Variants in TMEM236 observed in about 807,000 individuals in gnomAD.
The protein encoded by TMEM236 is transmembrane protein 236, also known as family with sequence similarity 23, member A.
In TMEM236, 11 loss-of-function variants were observed where a neutral mutation model predicts 14.7. The ratio of observed to expected loss-of-function variants is 0.75; its 90% CI spans 0.47 to 1.24. TMEM236 has a LOEUF of 1.24. TMEM236 is among the 50% of genes most tolerant of loss of function. TMEM236 has a pLI of 0.00. For missense variants in TMEM236, 464 were observed against 427.3 expected, an observed-to-expected ratio of 1.09 and a Z score of -0.76; for synonymous variants, 182 against 168.6, an observed-to-expected ratio of 1.08 and a Z score of -0.62.
At chr10:17,759,196 A>G (rs1238506475) in intron 1 of TMEM236, among the ~76,000 whole-genome samples, 6 of 152,364 alleles carry the variant, frequency 3.9e-5, no homozygotes, top group Admixed American at 1.3e-4. Flanking sequence ...CAAACTGTGT[A>G]TTCCAGGAAA....
chr10:17,796,203 T>G lies in TMEM236; in HGVS notation c.755T>G (p.Val252Gly). 1.9e-6 allele frequency: 3 copies of G among 1,613,976 alleles called. No homozygotes were observed. In the South Asian group the frequency reaches 3.3e-5, roughly 18 times the overall value. ...CTGTGGTCTGACACGATAGAAATGG[T>G]GCGTGTGGCTGGTCACCCCAACGTG... ...FLLWSDTIEM[V>G]RVAGHPNVYK... The change falls in exon 4 of 4, where the codon GTG (valine) becomes GGG (glycine). Residue 252 changes from valine (V) to glycine (G), a missense_variant. Transcript: ENST00000377495.
chr10:17,779,271 C>T (rs1302641744), intron 3 of TMEM236, among the ~76,000 whole-genome samples: 2 of 151,994 alleles, frequency 1.3e-5, no homozygotes, highest in African/African-American at 4.8e-5. Context: ...GGCCCAGCTC[C>T]CTGGCAATCA....
rs1039959996 is a variant in TMEM236, at chr10:17,763,892, C to T, written c.258-7417C>T. Among the ~76,000 whole-genome samples the T allele has an allele frequency of 6.4e-3, 980 of 152,014 alleles. 14 individuals carry two copies. Among genetic ancestry groups the T allele is most frequent in the African/African-American group, 0.022 (928 of 41,448 alleles). ...CCACAGGATCTTGGGCAAATTAATT[C>T]AGCCTTCAACCTCAGTTTCATCACC... On this transcript the variant is annotated intron_variant, in intron 1 of 3. Coordinates refer to ENST00000377495, the MANE Select transcript of TMEM236 (RefSeq NM_001098844.3).
chr10:17,760,055 G>T (rs1554833855), intron 1 of TMEM236, among the ~76,000 whole-genome samples: 1 of 149,778 alleles, frequency 6.7e-6, no homozygotes, highest in Non-Finnish European at 1.5e-5. Flanking sequence ...CTCCGCGCTG[G>T]CCCTGACAAC....
At position 17,796,709 on chromosome 10, in the gene TMEM236, T is replaced by C; in HGVS notation, c.*205T>C. 1 of 590,042 alleles carries C rather than the reference T, an allele frequency of 1.7e-6. No individual in the cohort carries two copies. The highest frequency in any genetic ancestry group is 4.6e-4 in the Middle Eastern group (1 of 2,160). 36.6% of individuals were successfully genotyped at this position (590,042 alleles called of 1,614,324 possible). On this transcript the variant is annotated 3_prime_UTR_variant, in exon 4 of 4. Transcript: ENST00000377495. Reference sequence around the variant, plus strand: ...AAATTTAAGTAAAGTAATATTCTTATAAGTTGGCTCTCAGGTATTTCTAGA... The same window carrying C: ...AAATTTAAGTAAAGTAATATTCTTACAAGTTGGCTCTCAGGTATTTCTAGA...
intron 3 of TMEM236, among the ~76,000 whole-genome samples, chr10:17,784,657 T>G (rs948190748): frequency 6.6e-6 from 1 of 152,198 alleles, no homozygotes; most frequent in African/African-American, 2.4e-5. Flanking sequence ...TTTTTAAAAT[T>G]AGTGATTCCC....
chr10:17,782,605 C>T (rs1837771438), intron 3 of TMEM236, among the ~76,000 whole-genome samples: 1 of 152,098 alleles, frequency 6.6e-6, no homozygotes, highest in African/African-American at 2.4e-5. Context: ...CCGTGCACCA[C>T]CACGTCCCTC....
At chr10:17,763,060 G>T (rs955274780) in intron 1 of TMEM236, among the ~76,000 whole-genome samples, 1 of 152,144 alleles carries the variant, frequency 6.6e-6, no homozygotes, top group Admixed American at 6.5e-5. Context: ...GTAGTCCACT[G>T]TGGAGTCTGG....
intron 3 of TMEM236, among the ~76,000 whole-genome samples, chr10:17,794,375 AG>A (rs1448467642): frequency 1.3e-5 from 2 of 152,178 alleles, no homozygotes; most frequent in Non-Finnish European, 2.9e-5. Flanking sequence ...ATAATTTCTT[AG>A]CAACCAAAAT....
At chr10:17,786,478 C>T (rs1272525052) in intron 3 of TMEM236, among the ~76,000 whole-genome samples, 2 of 152,184 alleles carry the variant, frequency 1.3e-5, no homozygotes, top group African/African-American at 4.8e-5. Context: ...CCTGCCTCGG[C>T]TTCCCAAAGT....
chr10:17,766,668 A>C (rs1163721784), intron 1 of TMEM236, among the ~76,000 whole-genome samples: 1 of 152,210 alleles, frequency 6.6e-6, no homozygotes, highest in African/African-American at 2.4e-5. Context: ...TCCACATTGC[A>C]GTCGCAAAAT....
At chr10:17,757,349 A>G (rs1352575520) in intron 1 of TMEM236, among the ~76,000 whole-genome samples, 1 of 152,128 alleles carries the variant, frequency 6.6e-6, no homozygotes, top group East Asian at 1.9e-4. Flanking sequence ...TGTAATCCCA[A>G]GACTTTGAGA....
At chr10:17,781,064 A>G (rs1837739555) in intron 3 of TMEM236, among the ~76,000 whole-genome samples, 1 of 152,134 alleles carries the variant, frequency 6.6e-6, no homozygotes, top group Non-Finnish European at 1.5e-5. Context: ...GCTGGCAAAG[A>G]GAAGGGAAGA....
At chr10:17,768,096 T>TTG (rs1837502861) in intron 1 of TMEM236, among the ~76,000 whole-genome samples, 12 of 139,726 alleles carry the variant, frequency 8.6e-5, no homozygotes, top group Non-Finnish European at 1.5e-4. Context: ...GTTTTTTTTT[T>TTG]TTTTTTTTTT....
intron 1 of TMEM236, among the ~76,000 whole-genome samples, chr10:17,756,555 C>T (rs888661557): frequency 1.3e-5 from 2 of 152,336 alleles, no homozygotes; most frequent in African/African-American, 4.8e-5. Flanking sequence ...CTCAGCCTCC[C>T]AAAGTGCTGG....
At chr10:17,782,235 G>A (rs1837762796) in intron 3 of TMEM236, among the ~76,000 whole-genome samples, 1 of 151,974 alleles carries the variant, frequency 6.6e-6, no homozygotes, top group Middle Eastern at 3.2e-3. Context: ...TCTTTCCAAT[G>A]TTGCATTTTT....
intron 1 of TMEM236, among the ~76,000 whole-genome samples, chr10:17,766,144 A>C (rs1837459085): frequency 6.6e-6 from 1 of 152,180 alleles, no homozygotes; most frequent in African/African-American, 2.4e-5. Context: ...TTTTTGCTTA[A>C]AAATTCCTTT....
At chr10:17,773,083 A>G (rs959731900) in intron 2 of TMEM236, among the ~76,000 whole-genome samples, 17 of 152,184 alleles carry the variant, frequency 1.1e-4, no homozygotes, top group Non-Finnish European at 2.1e-4. Context: ...CTTGGTCGCC[A>G]TCTTGGTTGT....
At chr10:17,779,091 A>G (rs1837704720) in intron 3 of TMEM236, among the ~76,000 whole-genome samples, 1 of 152,232 alleles carries the variant, frequency 6.6e-6, no homozygotes, top group Non-Finnish European at 1.5e-5. Context: ...AGAAATAACA[A>G]GAATACAAAG....
Sources: gnomAD v4.1 joint callset for allele counts (sites outside exome capture counted in the v4.1 genomes callset) on GRCh38, gnomAD v4.1.1 for gene constraint, MANE v1.5 for transcripts, NCBI Gene and HGNC (gene_info 2026-07-23, HGNC 2026-07-21) for gene names.